Variants in NAALADL2 observed in about 807,000 individuals in gnomAD.
The protein encoded by NAALADL2 is inactive N-acetylated-alpha-linked acidic dipeptidase-like protein 2.
In NAALADL2, 76 loss-of-function variants were observed where a neutral mutation model predicts 87.2. The observed-to-expected ratio is 0.87, with a 90% CI of 0.72 to 1.05. The LOEUF is 1.05. NAALADL2 is among the 50% of genes least tolerant of loss of function. The pLI is 0.00. For missense variants in NAALADL2, 1,089 were observed against 945.8 expected, an observed-to-expected ratio of 1.15 and a Z score of -1.99; for synonymous variants, 354 against 331.0, an observed-to-expected ratio of 1.07 and a Z score of -0.75.
At chr3:175,203,720 G>A (rs938141929) in intron 2 of NAALADL2, among the ~76,000 whole-genome samples, 3 of 150,976 alleles carry the variant, frequency 2.0e-5, no homozygotes, top group African/African-American at 7.3e-5. Context: ...GAAAAGAAGA[G>A]AGCAAATCCA....
intron 2 of NAALADL2, among the ~76,000 whole-genome samples, chr3:175,223,958 T>C (rs1743787241): frequency 6.6e-6 from 1 of 152,202 alleles, no homozygotes. Context: ...TATAAAATGT[T>C]ACTGTTCAAC....
chr3:175,778,969 A>C (rs1017475123), intron 13 of NAALADL2, among the ~76,000 whole-genome samples: 4 of 152,184 alleles, frequency 2.6e-5, no homozygotes, highest in African/African-American at 7.2e-5. Flanking sequence ...CACACACACA[A>C]AAAAATGAAG....
intron 9 of NAALADL2, among the ~76,000 whole-genome samples, chr3:175,529,192 A>G (rs1439490655): frequency 6.6e-6 from 1 of 152,154 alleles, no homozygotes; most frequent in East Asian, 1.9e-4. Flanking sequence ...TAGTAGACTG[A>G]TTTCATCTTG....
In NAALADL2 at chr3:175,343,583, C is replaced by A. The variant is rs536295994; in HGVS notation, c.1090+19258C>A. Among the ~76,000 whole-genome samples the A allele has an allele frequency of 7.1e-4, 106 of 149,360 alleles. No homozygotes were observed. In the South Asian group the frequency reaches 0.017, roughly 23 times the overall value. On this transcript the variant is annotated intron_variant, in intron 5 of 13. Coordinates refer to ENST00000454872, the MANE Select transcript of NAALADL2 (RefSeq NM_207015.3). Reference sequence around the variant, plus strand: ...CTTTGGTGATTTCTAGTTCACTGCGCCACCTGGTCTTTCATGCATTATGTG... The same window carrying A: ...CTTTGGTGATTTCTAGTTCACTGCGACACCTGGTCTTTCATGCATTATGTG...
chr3:175,091,087 T>C (rs1662539624), intron 1 of NAALADL2, among the ~76,000 whole-genome samples: 1 of 152,106 alleles, frequency 6.6e-6, no homozygotes, highest in Non-Finnish European at 1.5e-5. Flanking sequence ...CATTAAAGCT[T>C]TCAACAACAA....
intron 2 of NAALADL2, among the ~76,000 whole-genome samples, chr3:174,568,159 A>T (rs1714508261): frequency 6.6e-6 from 1 of 151,818 alleles, no homozygotes. Context: ...GTTCGCAGAC[A>T]TACTAATCTA....
At chr3:175,229,326 A>G (rs1744603385) in intron 2 of NAALADL2, among the ~76,000 whole-genome samples, 1 of 151,992 alleles carries the variant, frequency 6.6e-6, no homozygotes, top group South Asian at 2.1e-4. Flanking sequence ...TGTTATGATT[A>G]AAAAGAGAGT....
intron 13 of NAALADL2, among the ~76,000 whole-genome samples, chr3:175,798,850 A>G (rs1234492804): frequency 6.6e-6 from 1 of 151,946 alleles, no homozygotes; most frequent in Non-Finnish European, 1.5e-5. Context: ...AGCATATTTT[A>G]TTAATAACAT....
At chr3:174,972,577 T>C (rs73881575) in intron 1 of NAALADL2, among the ~76,000 whole-genome samples, 3,133 of 152,298 alleles carry the variant, frequency 0.021, 93 homozygotes, top group African/African-American at 0.071. Flanking sequence ...TATCCTTAAT[T>C]ACCTCTTTAA....
chr3:175,263,938 A>G (rs1751515096), intron 4 of NAALADL2, among the ~76,000 whole-genome samples: 1 of 151,834 alleles, frequency 6.6e-6, no homozygotes, highest in Admixed American at 6.6e-5. Flanking sequence ...CAATATAGAT[A>G]TCTGCTGTGG....
chr3:175,268,075 CA>C (rs1243637318), intron 4 of NAALADL2, among the ~76,000 whole-genome samples: 2 of 152,130 alleles, frequency 1.3e-5, no homozygotes, highest in Non-Finnish European at 2.9e-5. Context: ...CATCACTTAA[CA>C]AAGGGGATAC....
intron 5 of NAALADL2, among the ~76,000 whole-genome samples, chr3:175,361,925 G>C (rs1384637076): frequency 6.8e-6 from 1 of 147,872 alleles, no homozygotes; most frequent in African/African-American, 2.5e-5. Flanking sequence ...TGGTGTTTTA[G>C]TCATGAAGTC....
chr3:175,220,312 A>G (rs952975342), intron 2 of NAALADL2, among the ~76,000 whole-genome samples: 1 of 141,996 alleles, frequency 7.0e-6, no homozygotes, highest in African/African-American at 2.5e-5. Context: ...AATATGTAAA[A>G]CAATCTAGAG....
At chr3:174,731,057 C>T (rs1382418134) in intron 2 of NAALADL2, among the ~76,000 whole-genome samples, 1 of 152,054 alleles carries the variant, frequency 6.6e-6, no homozygotes, top group East Asian at 1.9e-4. Flanking sequence ...GGTGATTATT[C>T]CTATTTTTAT....
rs11918581 is a variant in NAALADL2, at chr3:174,932,248, C to G, written c.43+72798C>G. On this transcript the variant is annotated intron_variant, in intron 1 of 13. Coordinates refer to ENST00000454872, the MANE Select transcript of NAALADL2 (RefSeq NM_207015.3). ...GATATCTCTAACAGCATATCATTAA[C>G]CAGGCACCATCAGATCATCAAAACA... Among the ~76,000 whole-genome samples the G allele has an allele frequency of 7.9e-3, 1,197 of 152,218 alleles. 22 individuals carry two copies. Among genetic ancestry groups the G allele is most frequent in the African/African-American group, 0.027 (1,132 of 41,544 alleles).
intron 2 of NAALADL2, among the ~76,000 whole-genome samples, chr3:174,703,161 A>G (rs1729717397): frequency 6.6e-6 from 1 of 152,110 alleles, no homozygotes; most frequent in Admixed American, 6.5e-5. Context: ...ATTTTTAGAG[A>G]CAGGGTCTCA....
At chr3:174,675,450 C>T (rs979656531) in intron 2 of NAALADL2, among the ~76,000 whole-genome samples, 1 of 151,948 alleles carries the variant, frequency 6.6e-6, no homozygotes, top group Non-Finnish European at 1.5e-5. Context: ...TCACCACTTT[C>T]CATGTTAAAT....
At chr3:175,072,428 A>G (rs6797521) in intron 1 of NAALADL2, among the ~76,000 whole-genome samples, 16,962 of 151,932 alleles carry the variant, frequency 0.11, 1,078 homozygotes, top group East Asian at 0.21. Flanking sequence ...GAATATGAAC[A>G]TTTGAGGACA....
chr3:175,480,385 A>T (rs1198320099), intron 9 of NAALADL2, among the ~76,000 whole-genome samples: 1 of 151,774 alleles, frequency 6.6e-6, no homozygotes, highest in Non-Finnish European at 1.5e-5. Context: ...TCCACAAGCA[A>T]CTCTAACTCA....
Sources: allele counts gnomAD v4.1 joint callset (sites outside exome capture counted in the v4.1 genomes callset), GRCh38; gene constraint gnomAD v4.1.1; transcripts MANE v1.5; gene names NCBI Gene and HGNC (gene_info 2026-07-23, HGNC 2026-07-21).